Variants in TRPM7 observed in about 807,000 individuals in gnomAD.
TRPM7 encodes the protein LTRPC ion channel family member 7.
In TRPM7, 134 loss-of-function variants were observed where a neutral mutation model predicts 229.7. The observed-to-expected ratio is 0.58, with a 90% CI of 0.51 to 0.67. The LOEUF (loss-of-function observed/expected upper bound fraction) is 0.67. Ranked by LOEUF, TRPM7 falls within the 30% of genes least tolerant of loss-of-function variation. TRPM7 has a pLI of 0.00. For missense variants in TRPM7, 1,901 were observed against 2,210.0 expected, an observed-to-expected ratio of 0.86 and a Z score of 2.80; for synonymous variants, 699 against 715.2, an observed-to-expected ratio of 0.98 and a Z score of 0.36.
intron 13 of TRPM7, among the ~76,000 whole-genome samples, chr15:50,618,114 T>C (rs1213218499): frequency 6.6e-6 from 1 of 152,186 alleles, no homozygotes; most frequent in Non-Finnish European, 1.5e-5. Flanking sequence ...CTGTATTGAA[T>C]ACCAATAATA....
rs566995156 is a variant in TRPM7 at position 50,575,788 on chromosome 15, A to G, written c.4671T>C (p.Ala1557=). 6.2e-7 allele frequency: 1 copy of G among 1,613,546 alleles called. No individual in the cohort carries two copies. The highest frequency in any genetic ancestry group is 8.5e-7 in the Non-Finnish European group (1 of 1,179,724). The change falls in exon 33 of 39, where the codon GCT becomes GCC. Residue 1557 remains alanine, a splice_region_variant and synonymous_variant. Transcript: ENST00000646667. The part of the protein sequence containing the change: ...PAMDTNYYYS[A]VERNNLMRLS... The stretch of plus-strand genomic sequence containing the variant: ...ACCTCATCAAGTTATTTCTTTCCAC[A>G]GCTGCATAAAAATGAGAGAGAAATA...
chr15:50,559,333 G>C lies in TRPM7; in HGVS notation c.*2345C>G, dbSNP rs1390730509. 3 of 151,772 alleles carry C rather than the reference G, an allele frequency of 2.0e-5. No individual in the cohort carries two copies. The highest frequency in any genetic ancestry group is 7.3e-5 in the African/African-American group (3 of 41,298). 9.4% of individuals were successfully genotyped at this position (151,772 alleles called of 1,614,324 possible). ...CCCAAAGTGCTGGGATTACAGGCAT[G>C]AGCCACTGCACCTGGCCTAATTTTT... is the stretch of plus-strand genomic sequence containing the variant. On this transcript the variant is annotated 3_prime_UTR_variant, in exon 39 of 39. Transcript: ENST00000646667.
intron 19 of TRPM7, among the ~76,000 whole-genome samples, chr15:50,608,565 G>C (rs2059981920): frequency 6.6e-6 from 1 of 152,180 alleles, no homozygotes; most frequent in African/African-American, 2.4e-5. Flanking sequence ...CATCAGTGGA[G>C]ACAGAATTTG....
In TRPM7 at chr15:50,609,705, C is replaced by A. The variant is rs374543188; in HGVS notation, c.2456G>T (p.Arg819Leu). Residue 819 changes from arginine (R) to leucine (L), a missense_variant, in exon 19 of 39, where the codon CGG becomes CTG. This residue lies in a region of TRPM7 where 207 missense variants were observed against 241.5 expected (regional missense o/e 0.86). Coordinates refer to ENST00000646667, the MANE Select transcript of TRPM7 (RefSeq NM_017672.6). ...CTTTCCTTCATTACTATCCAAAATC[C>A]GTACTTCTTTAAACACTTCCTAAAA... ...EIPMEVFKEV[R>L]ILDSNEGKNE... 6.3e-7 allele frequency: 1 copy of A among 1,595,682 alleles called. No homozygotes were observed. The highest frequency in any genetic ancestry group is 8.5e-7 in the Non-Finnish European group (1 of 1,173,312).
chr15:50,610,741 A>G (rs2060043362), intron 17 of TRPM7, among the ~76,000 whole-genome samples: 1 of 152,158 alleles, frequency 6.6e-6, no homozygotes, highest in African/African-American at 2.4e-5. Context: ...AGATTATTAA[A>G]TTAGTAGATA....
chr15:50,609,523 A>G (rs1477156930), intron 19 of TRPM7, 58 bp downstream of exon 19: 9 of 1,498,094 alleles, frequency 6.0e-6, no homozygotes, highest in Admixed American at 2.2e-5. Flanking sequence ...TTCCGAACCA[A>G]TGGTCCCCCA....
intron 15 of TRPM7, 80 bp downstream of exon 15, chr15:50,613,627 T>A: frequency 7.9e-7 from 1 of 1,259,454 alleles, no homozygotes; most frequent in Non-Finnish European, 1.0e-6. Flanking sequence ...AATCAATTAG[T>A]TTTTTTTGTT....
chr15:50,665,042 G>A lies in TRPM7; in HGVS notation c.4-1996C>T, dbSNP rs567400710. Among the ~76,000 whole-genome samples the A allele has an allele frequency of 3.5e-4, 53 of 152,170 alleles. 1 individual carries two copies. Among genetic ancestry groups the A allele is most frequent in the African/African-American group, 1.1e-3 (47 of 41,512 alleles). On this transcript the variant is annotated intron_variant, in intron 1 of 38. Transcript: ENST00000646667. ...AACAAGCTTCATTTAATAAATATAC[G>A]CATGTTTCTGTATATTAGAAACAGA... is the stretch of plus-strand genomic sequence containing the variant.
At chr15:50,611,651 C>A (rs752624394) in intron 16 of TRPM7, among the ~76,000 whole-genome samples, 1 of 152,164 alleles carries the variant, frequency 6.6e-6, no homozygotes, top group Non-Finnish European at 1.5e-5. Context: ...GTATTTCAAA[C>A]ACAGAAAACA....
intron 12 of TRPM7, among the ~76,000 whole-genome samples, chr15:50,621,198 G>T (rs191171622): frequency 6.8e-6 from 1 of 146,934 alleles, no homozygotes; most frequent in East Asian, 2.0e-4. Flanking sequence ...TTATTTAGTC[G>T]ATCAACTCAG....
chr15:50,571,712 C>G (rs1452955128), intron 36 of TRPM7, among the ~76,000 whole-genome samples: 1 of 136,182 alleles, frequency 7.3e-6, no homozygotes, highest in Non-Finnish European at 1.7e-5. Context: ...GATGGGAACA[C>G]TTTGTTCTTT....
intron 5 of TRPM7, among the ~76,000 whole-genome samples, chr15:50,641,809 G>C (rs796478123): frequency 2.1e-4 from 32 of 152,214 alleles, no homozygotes; most frequent in African/African-American, 7.5e-4. Flanking sequence ...AGACCAGCTT[G>C]ACCAACATAG....
At chr15:50,647,396 G>T (rs1180798971) in intron 4 of TRPM7, among the ~76,000 whole-genome samples, 1 of 152,138 alleles carries the variant, frequency 6.6e-6, no homozygotes, top group African/African-American at 2.4e-5. Context: ...TTCCCAAAGT[G>T]CTGGGATTAC....
intron 29 of TRPM7, among the ~76,000 whole-genome samples, chr15:50,581,221 G>A (rs1049976199): frequency 6.6e-6 from 1 of 151,936 alleles, no homozygotes; most frequent in Non-Finnish European, 1.5e-5. Context: ...ATTTGTGGCC[G>A]GGTACGGTGG....
At position 50,612,866 on chromosome 15, in the gene TRPM7, T is replaced by C. The variant is rs770341508; in HGVS notation, c.1771-37A>G. The C allele has an allele frequency of 2.6e-6, 4 of 1,553,652 alleles. No homozygotes were observed. The African/African-American group carries it at 4.1e-5, about 16-fold the overall frequency. On this transcript the variant is annotated intron_variant, in intron 15 of 38. Coordinates refer to ENST00000646667, the MANE Select transcript of TRPM7 (RefSeq NM_017672.6). ...AATAAAGTTATAAAGCTCATTATAA[T>C]AAGGCCATATGAAATTTATGTCAGT...
At chr15:50,645,621 C>T (rs372093156) in intron 4 of TRPM7, among the ~76,000 whole-genome samples, 16 of 152,168 alleles carry the variant, frequency 1.1e-4, no homozygotes, top group Non-Finnish European at 1.6e-4. Context: ...CATAAGCCAC[C>T]GTGCCCAGCC....
At chr15:50,613,665 GA>G in intron 15 of TRPM7, 41 bp downstream of exon 15, 1 of 1,452,200 alleles carries the variant, frequency 6.9e-7, no homozygotes, top group East Asian at 2.6e-5. Flanking sequence ...TTAGAAAGAA[GA>G]AAATAAAAAC....
intron 4 of TRPM7, among the ~76,000 whole-genome samples, chr15:50,647,457 A>G (rs966126982): frequency 2.6e-5 from 4 of 152,148 alleles, no homozygotes; most frequent in African/African-American, 9.6e-5. Context: ...TAAAGAACAG[A>G]AAAACAGGCC....
intron 11 of TRPM7, among the ~76,000 whole-genome samples, chr15:50,626,950 TAAG>T (rs771137278): frequency 1.3e-5 from 2 of 152,186 alleles, no homozygotes; most frequent in African/African-American, 2.4e-5. Flanking sequence ...TGTACATTCA[TAAG>T]GAGAATTTGC....
Sources: gnomAD v4.1 joint callset for allele counts (sites outside exome capture counted in the v4.1 genomes callset) on GRCh38, gnomAD v4.1.1 for gene constraint, gnomAD v4.1.1 regional missense constraint, MANE v1.5 for transcripts, NCBI Gene and HGNC (gene_info 2026-07-23, HGNC 2026-07-21) for gene names.